Variants in GAB2 observed in about 807,000 individuals in gnomAD.
GAB2 encodes the protein GRB2 associated binding protein 2, also known as GRB2-associated-binding protein 2.
GAB2 carries 26 observed loss-of-function variants against 65.5 expected under a neutral mutation model. That is an observed-to-expected ratio of 0.40 (90% CI 0.29 to 0.55). The LOEUF (loss-of-function observed/expected upper bound fraction) is 0.55. Among genes scored for constraint, GAB2 ranks in the 20% least tolerant of loss-of-function variants. The pLI is 0.53. For synonymous variants in GAB2, 321 were observed against 329.6 expected (o/e 0.97, Z 0.28); for missense variants, 884 against 875.8 (o/e 1.01, Z -0.12).
At chr11:78,237,518 T>G (rs1865013167) in intron 3 of GAB2, among the ~76,000 whole-genome samples, 1 of 152,150 alleles carries the variant, frequency 6.6e-6, no homozygotes, top group African/African-American at 2.4e-5. Context: ...CTGTTACTGG[T>G]TCTCTAGGAA....
intron 1 of GAB2, among the ~76,000 whole-genome samples, chr11:78,313,210 CT>C (rs1339087831): frequency 6.6e-6 from 1 of 151,070 alleles, no homozygotes; most frequent in Non-Finnish European, 1.5e-5. Context: ...TTTCCCAGCA[CT>C]TTTTTTTTCA....
intron 1 of GAB2, among the ~76,000 whole-genome samples, chr11:78,311,926 A>T (rs1855507262): frequency 6.6e-6 from 1 of 152,180 alleles, no homozygotes; most frequent in Non-Finnish European, 1.5e-5. Flanking sequence ...TAAGAGGCAG[A>T]GCAGAGTTCT....
chr11:78,319,546 T>C (rs908703235), intron 1 of GAB2, among the ~76,000 whole-genome samples: 3 of 152,220 alleles, frequency 2.0e-5, no homozygotes, highest in African/African-American at 7.2e-5. Flanking sequence ...CTTGGTAACA[T>C]TCATCTCTAT....
At chr11:78,370,341 C>A (rs1856551647) in intron 1 of GAB2, among the ~76,000 whole-genome samples, 1 of 151,794 alleles carries the variant, frequency 6.6e-6, no homozygotes, top group Admixed American at 6.6e-5. Flanking sequence ...TTTTATCTCA[C>A]AGGATTTTGG....
intron 1 of GAB2, among the ~76,000 whole-genome samples, chr11:78,406,031 T>C (rs1282550974): frequency 6.6e-6 from 1 of 152,124 alleles, no homozygotes; most frequent in East Asian, 1.9e-4. Context: ...CCTTCAGAGG[T>C]TGTCATGAGG....
chr11:78,389,873 G>A (rs1329133551), intron 1 of GAB2, among the ~76,000 whole-genome samples: 4 of 152,006 alleles, frequency 2.6e-5, no homozygotes, highest in Admixed American at 6.5e-5. Context: ...TTTCTCTCTC[G>A]CAATGCCTAG....
In GAB2 at chr11:78,285,066, C is replaced by A. The variant is rs114290389; in HGVS notation, c.76-4165G>T. On this transcript the variant is annotated intron_variant, in intron 1 of 9. Transcript: ENST00000361507. ...TTTATAGTAATTTAAAATCTTAACC[C>A]GGTCACTGCTTTCAGAATTATGCAT... 8.1e-3 allele frequency among the ~76,000 whole-genome samples: 1,226 copies of A among 152,270 alleles called. 18 individuals carry two copies. The highest frequency in any genetic ancestry group is 0.027 in the African/African-American group (1,138 of 41,532).
intron 1 of GAB2, among the ~76,000 whole-genome samples, chr11:78,406,226 G>A (rs2135088751): frequency 6.6e-6 from 1 of 152,306 alleles, no homozygotes; most frequent in Admixed American, 6.5e-5. Context: ...GTCAATGGAG[G>A]TGGAATGAAA....
chr11:78,367,547 C>T (rs553375466), intron 1 of GAB2, among the ~76,000 whole-genome samples: 14 of 152,266 alleles, frequency 9.2e-5, no homozygotes, highest in Non-Finnish European at 1.8e-4. Context: ...TAACAATCTA[C>T]GACTAATTAA....
At position 78,261,269 on chromosome 11, in the gene GAB2, C is replaced by T. The variant is rs149055466; in HGVS notation, c.377-10869G>A. Among the ~76,000 whole-genome samples the T allele has an allele frequency of 8.7e-4, 132 of 152,248 alleles. 1 individual carries two copies. The East Asian group carries it at 0.014, about 16-fold the overall frequency. On this transcript the variant is annotated intron_variant, in intron 2 of 9. Coordinates refer to ENST00000361507, the MANE Select transcript of GAB2 (RefSeq NM_080491.3). ...CACCACTGCACTCCGGCCTGGGCGA[C>T]AGAGTGAGACCCTGTCTCAACAAAA... is the stretch of plus-strand genomic sequence containing the variant.
Position 78,280,792 on chromosome 11 carries a change from T to A in GAB2, c.185A>T (p.Asn62Ile). ...ATCTACCTGCTCACAGAAGTTCAGG[T>A]TGATGATCCGCAGAGGCTTCTTGGA... The part of the protein sequence containing the change: ...DHSKKPLRII[N>I]LNFCEQVDAG... Residue 62 changes from asparagine (N) to isoleucine (I), a missense_variant, in exon 2 of 10, where the codon AAC becomes ATC. Asn to Ile is a moderately radical substitution (Grantham distance 149, BLOSUM62 -3). Coordinates refer to ENST00000361507, the MANE Select transcript of GAB2 (RefSeq NM_080491.3). 6.2e-7 allele frequency: 1 copy of A among 1,614,178 alleles called. No homozygotes were observed. Among genetic ancestry groups the A allele is most frequent in the Non-Finnish European group, 8.5e-7 (1 of 1,180,008 alleles).
At chr11:78,255,489 A>G (rs1233377647) in intron 2 of GAB2, among the ~76,000 whole-genome samples, 1 of 152,198 alleles carries the variant, frequency 6.6e-6, no homozygotes, top group East Asian at 1.9e-4. Flanking sequence ...CTTTTCTGGA[A>G]TAAGATTTTT....
At chr11:78,348,501 G>C (rs1856225868) in intron 1 of GAB2, among the ~76,000 whole-genome samples, 1 of 152,148 alleles carries the variant, frequency 6.6e-6, no homozygotes, top group African/African-American at 2.4e-5. Flanking sequence ...AACATCACTA[G>C]ACATCAGGGA....
chr11:78,221,923 G>T, intron 7 of GAB2, 144 bp from the exon 8 acceptor site: 3 of 683,832 alleles, frequency 4.4e-6, no homozygotes, highest in Admixed American at 4.7e-5. Flanking sequence ...CTGATATAGG[G>T]CAGGTATAAT....
intron 1 of GAB2, among the ~76,000 whole-genome samples, chr11:78,397,906 A>G (rs1379453980): frequency 2.6e-5 from 4 of 152,144 alleles, no homozygotes; most frequent in Non-Finnish European, 5.9e-5. Flanking sequence ...CAAAAAAGTA[A>G]ATCCAGGCAC....
intron 2 of GAB2, among the ~76,000 whole-genome samples, chr11:78,263,692 T>G (rs1865798491): frequency 6.6e-6 from 1 of 151,892 alleles, no homozygotes; most frequent in African/African-American, 2.4e-5. Flanking sequence ...CTAACAAGCT[T>G]AAATCACCAG....
At chr11:78,245,961 T>TC (rs1169108550) in intron 3 of GAB2, among the ~76,000 whole-genome samples, 4 of 151,968 alleles carry the variant, frequency 2.6e-5, no homozygotes, top group African/African-American at 9.7e-5. Context: ...TTTTTTTTTT[T>TC]TGAGACGGAG....
intron 1 of GAB2, among the ~76,000 whole-genome samples, chr11:78,389,782 A>G (rs926873343): frequency 6.6e-6 from 1 of 152,210 alleles, no homozygotes; most frequent in Non-Finnish European, 1.5e-5. Flanking sequence ...CATAAAGTTG[A>G]AGCCCCTTTT....
At chr11:78,410,396 C>T (rs1169569356) in intron 1 of GAB2, among the ~76,000 whole-genome samples, 1 of 152,098 alleles carries the variant, frequency 6.6e-6, no homozygotes, top group Non-Finnish European at 1.5e-5. Flanking sequence ...CCCAGCTGCT[C>T]GGGAGGCTGA....
Sources: gnomAD v4.1 joint callset for allele counts (sites outside exome capture counted in the v4.1 genomes callset) on GRCh38, gnomAD v4.1.1 for gene constraint, MANE v1.5 for transcripts, NCBI Gene and HGNC (gene_info 2026-07-23, HGNC 2026-07-21) for gene names.